The following PIGN variants were observed in gnomAD, a reference collection of about 807,000 sequenced individuals.
The protein encoded by PIGN is GPI ethanolamine phosphate transferase 1.
Under a neutral mutation model 125.4 loss-of-function variants are expected in PIGN, and 117 were observed. That is an observed-to-expected ratio of 0.93 (90% CI 0.80 to 1.09). The LOEUF is 1.09. Among genes scored for constraint, PIGN ranks in the 50% least tolerant of loss-of-function variants. The pLI, the probability that PIGN is intolerant of heterozygous loss-of-function variation, is 0.00. For synonymous variants in PIGN, 392 were observed against 377.8 expected (o/e 1.04, Z -0.44); for missense variants, 1,075 against 1,094.9 (o/e 0.98, Z 0.26).
At chr18:62,121,038 C>T (rs983583199) in intron 14 of PIGN, among the ~76,000 whole-genome samples, 4 of 152,098 alleles carry the variant, frequency 2.6e-5, no homozygotes, top group Admixed American at 2.6e-4. Flanking sequence ...ATAAACAATG[C>T]TGCTGTCATT....
intron 4 of PIGN, among the ~76,000 whole-genome samples, chr18:62,160,201 T>C (rs532321236): frequency 6.6e-6 from 1 of 152,364 alleles, no homozygotes; most frequent in East Asian, 1.9e-4. Flanking sequence ...ACATTTTAGA[T>C]AAATTTCCTC....
chr18:62,098,932 A>C (rs1206010506), intron 22 of PIGN, among the ~76,000 whole-genome samples: 2 of 152,112 alleles, frequency 1.3e-5, no homozygotes, highest in African/African-American at 2.4e-5. Context: ...TACTCCAAAT[A>C]GAGAAAGAAG....
intron 19 of PIGN, among the ~76,000 whole-genome samples, chr18:62,106,394 T>C (rs1481933946): frequency 1.4e-5 from 2 of 144,904 alleles, no homozygotes; most frequent in Non-Finnish European, 3.0e-5. Context: ...AAAAAAAAAC[T>C]GAGTGGCTCA....
At chr18:62,137,802 C>A (rs2035990116) in intron 14 of PIGN, 2 of 154,928 alleles carry the variant, frequency 1.3e-5, no homozygotes, top group Admixed American at 6.5e-5. Flanking sequence ...CCAAGCCCCT[C>A]TTTCTAATTA....
rs565774956 is a variant in PIGN at position 62,084,616 on chromosome 18, T to C, written c.2427-10A>G. ...AGAGGCAAGATCAAAGCTAGGGAAT[T>C]ATAACAAGGAAAAAGAATTTAGAAT... is the stretch of plus-strand genomic sequence containing the variant. On this transcript the variant is annotated splice_polypyrimidine_tract_variant and intron_variant, in intron 26 of 30. Transcript: ENST00000640252. 7.9e-6 allele frequency: 12 copies of C among 1,520,116 alleles called. No individual in the cohort carries two copies. In the South Asian group the frequency reaches 1.4e-4, roughly 18 times the overall value. 94.2% of individuals were successfully genotyped at this position (1,520,116 alleles called of 1,614,324 possible).
At chr18:62,018,332 C>T (rs903308859) in intron 23 of PIGN, among the ~76,000 whole-genome samples, 3 of 152,088 alleles carry the variant, frequency 2.0e-5, no homozygotes, top group Admixed American at 6.6e-5. Context: ...AGCACTGAGG[C>T]GAGGGCTCAT....
At chr18:62,089,835 T>A (rs2033876130) in intron 24 of PIGN, among the ~76,000 whole-genome samples, 1 of 152,162 alleles carries the variant, frequency 6.6e-6, no homozygotes, top group Non-Finnish European at 1.5e-5. Flanking sequence ...AAATATTCTA[T>A]CACCAATTTC....
At chr18:62,161,523 T>C in intron 3 of PIGN, 138 bp from the exon 4 acceptor site, 1 of 534,530 alleles carries the variant, frequency 1.9e-6, no homozygotes, top group Non-Finnish European at 3.3e-6. Flanking sequence ...TCATTTGTGG[T>C]GGTAACAATA....
At chr18:62,146,883 C>A in intron 9 of PIGN, 88 bp downstream of exon 9, 1 of 1,368,650 alleles carries the variant, frequency 7.3e-7, no homozygotes. Flanking sequence ...AGCAAGACAT[C>A]TAATCCTCTC....
chr18:62,095,516 T>C (rs958673854), intron 23 of PIGN, among the ~76,000 whole-genome samples: 2 of 152,162 alleles, frequency 1.3e-5, no homozygotes, highest in Non-Finnish European at 2.9e-5. Flanking sequence ...TTAAAATCAA[T>C]ATAAGGAATG....
In PIGN at chr18:62,125,125, A is replaced by AATATACATGTTTGTACATACATGTAT. The variant is rs1568202846; in HGVS notation, c.1173-10487_1173-10486insATACATGTATGTACAAACATGTATAT. On this transcript the variant is annotated intron_variant, in intron 14 of 30. Transcript: ENST00000640252. The stretch of plus-strand genomic sequence containing the variant: ...ACACGTTTGTACATATGTGTATATA[A>AATATACATGTTTGTACATACATGTAT]ATATACACGTTTGTACATATGTGTA... Among the ~76,000 whole-genome samples, 24 of 93,546 alleles carry AATATACATGTTTGTACATACATGTAT rather than the reference A, an allele frequency of 2.6e-4. 1 individual carries two copies. The highest frequency in any genetic ancestry group is 7.2e-4 in the African/African-American group (21 of 29,182). The allele number at this position is 93,546 out of a possible 152,430, so 61.4% of individuals were successfully genotyped here. A position where few individuals can be genotyped will look rare whatever the true frequency, so the allele number is the denominator to read the frequency against.
At chr18:62,033,781 T>C (rs750347946) in intron 23 of PIGN, among the ~76,000 whole-genome samples, 5 of 152,230 alleles carry the variant, frequency 3.3e-5, no homozygotes, top group African/African-American at 7.2e-5. Flanking sequence ...TCTATACCCA[T>C]ACTTTAAGTA....
chr18:62,141,348 G>A (rs533111733), intron 11 of PIGN, among the ~76,000 whole-genome samples: 1 of 152,348 alleles, frequency 6.6e-6, no homozygotes, highest in East Asian at 1.9e-4. Context: ...TAATAAGCCT[G>A]TGATAATGGT....
intron 14 of PIGN, among the ~76,000 whole-genome samples, chr18:62,120,743 T>C (rs908128975): frequency 1.3e-5 from 2 of 151,222 alleles, no homozygotes; most frequent in Non-Finnish European, 3.0e-5. Context: ...GGCTGGAAAA[T>C]TAAAATAATT....
chr18:62,051,538 G>A (rs2031287618), intron 30 of PIGN, among the ~76,000 whole-genome samples: 1 of 152,094 alleles, frequency 6.6e-6, no homozygotes, highest in African/African-American at 2.4e-5. Flanking sequence ...CTGTGGGATT[G>A]GTGGTGATTT....
chr18:62,106,588 A>T (rs2034648389), intron 19 of PIGN, among the ~76,000 whole-genome samples: 1 of 152,134 alleles, frequency 6.6e-6, no homozygotes, highest in Non-Finnish European at 1.5e-5. Context: ...TTACCACATA[A>T]CTGGCCCATT....
At chr18:62,177,538 ATTTG>A (rs1313279275) in intron 1 of PIGN, among the ~76,000 whole-genome samples, 1 of 152,110 alleles carries the variant, frequency 6.6e-6, no homozygotes, top group Non-Finnish European at 1.5e-5. Context: ...GCTTCCACCA[ATTTG>A]TTTATTTTTT....
At chr18:62,085,974 C>A (rs2033679282) in intron 25 of PIGN, among the ~76,000 whole-genome samples, 2 of 152,176 alleles carry the variant, frequency 1.3e-5, no homozygotes, top group African/African-American at 4.8e-5. Flanking sequence ...CGAATCATGA[C>A]AATTTTCAGT....
At chr18:62,185,193 T>G (rs2148041628) in intron 1 of PIGN, among the ~76,000 whole-genome samples, 1 of 152,316 alleles carries the variant, frequency 6.6e-6, no homozygotes, top group East Asian at 1.9e-4. Context: ...TTCCAGAAAT[T>G]GGTTCCATTT....
Sources: gnomAD v4.1 joint callset for allele counts (sites outside exome capture counted in the v4.1 genomes callset) on GRCh38, gnomAD v4.1.1 for gene constraint, MANE v1.5 for transcripts, NCBI Gene and HGNC (gene_info 2026-07-23, HGNC 2026-07-21) for gene names.